The following TEX14 variants were observed in gnomAD, a reference collection of about 807,000 sequenced individuals.
TEX14 encodes testis expressed 14, intercellular bridge forming factor.
Under a neutral mutation model 178.6 loss-of-function variants are expected in TEX14, and 168 were observed. The ratio of observed to expected loss-of-function variants is 0.94; its 90% confidence interval spans 0.83 to 1.07. TEX14 has a LOEUF of 1.07. Among genes scored for constraint, TEX14 ranks in the 50% least tolerant of loss-of-function variants. The pLI, the probability that TEX14 is intolerant of heterozygous loss-of-function variation, is 0.00. For synonymous variants in TEX14, 626 were observed against 634.1 expected, an observed-to-expected ratio of 0.99 and a Z score of 0.19; for missense variants, 1,730 against 1,753.6, an observed-to-expected ratio of 0.99 and a Z score of 0.24.
chr17:58,617,573 A>C lies in TEX14; in HGVS notation c.601T>G (p.Ser201Ala). 6.2e-7 allele frequency: 1 copy of C among 1,613,954 alleles called. No homozygotes were observed. Among genetic ancestry groups the C allele is most frequent in the South Asian group, 1.1e-5 (1 of 91,016 alleles). ...CCAAAGCTGTAGATATTTTGAGCAG[A>C]AATGACTCCAGCTTTAAGCAGTCGG... Reference protein sequence around the residue: ...PNRLLKAGVISAQNIYSFGFG... With the variant: ...PNRLLKAGVIAAQNIYSFGFG... The change falls in exon 6 of 32, where the codon TCT becomes GCT. Residue 201 changes from serine to alanine, a missense_variant. By Grantham distance (99) the Ser-to-Ala change is moderately conservative. Transcript: ENST00000349033.
intron 1 of TEX14, among the ~76,000 whole-genome samples, chr17:58,685,996 C>CAA (rs34156664): frequency 0.043 from 3,573 of 82,508 alleles, 203 homozygotes; most frequent in African/African-American, 0.091. Context: ...CTCTGTCTCA[C>CAA]AAAAAAAAAA....
intron 18 of TEX14, among the ~76,000 whole-genome samples, 154 bp downstream of exon 18, chr17:58,585,647 G>A (rs949776730): frequency 2.3e-5 from 3 of 127,680 alleles, no homozygotes; most frequent in Non-Finnish European, 4.8e-5. Flanking sequence ...GTAGAGACCA[G>A]GTTTCATCAT....
chr17:58,659,432 G>T, intron 1 of TEX14: 1 of 463,602 alleles, frequency 2.2e-6, no homozygotes, highest in Non-Finnish European at 2.8e-6. Context: ...ACACATCTCA[G>T]ACTACACCTT....
At position 58,593,652 on chromosome 17, in the gene TEX14, G is replaced by C. The variant is rs1234516455; in HGVS notation, c.2479C>G (p.Leu827Val). 1.2e-6 allele frequency: 2 copies of C among 1,613,958 alleles called. No homozygotes were observed. Among genetic ancestry groups the C allele is most frequent in the African/African-American group, 1.3e-5 (1 of 74,930 alleles). The change falls in exon 15 of 32, where the codon CTT becomes GTT. Residue 827 changes from leucine (L) to valine (V), a missense_variant. Leu to Val is a conservative substitution (Grantham distance 32). Coordinates refer to ENST00000349033, the MANE Select transcript of TEX14 (RefSeq NM_031272.5). Reference protein sequence around the residue: ...LPRFPRMLPTLCDPGKQNTDE... With the variant: ...LPRFPRMLPTVCDPGKQNTDE... The stretch of plus-strand genomic sequence containing the variant: ...GTGTTCTGTTTTCCAGGGTCACAAA[G>C]AGTCGGCAGCTTAAAAAGCAATAAA...
At position 58,676,520 on chromosome 17, in the gene TEX14, A is replaced by G. The variant is rs1471949645; in HGVS notation, c.-2+15419T>C. On this transcript the variant is annotated intron_variant, in intron 1 of 31. Transcript: ENST00000349033. ...GGTTGCAGTGAGCCAAGATCATGCC[A>G]TTGCACTCCAGACTGAGCAATAAGA... 3.3e-5 allele frequency among the ~76,000 whole-genome samples: 5 copies of G among 152,268 alleles called. No individual in the cohort carries two copies. In the East Asian group the frequency reaches 7.7e-4, roughly 24 times the overall value.
At chr17:58,602,053 T>C in intron 12 of TEX14, 97 bp from the exon 13 acceptor site, 2 of 1,325,756 alleles carry the variant, frequency 1.5e-6, no homozygotes, top group South Asian at 2.6e-5. Flanking sequence ...AACTCCCTCT[T>C]ATTCCTGTTG....
chr17:58,587,476 G>C (rs1269314092), intron 17 of TEX14, 105 bp downstream of exon 17: 1 of 662,832 alleles, frequency 1.5e-6, no homozygotes, highest in Non-Finnish European at 2.5e-6. Flanking sequence ...ACATTGCTAT[G>C]GTTCTAAATG....
At chr17:58,633,022 C>T (rs914409298) in intron 2 of TEX14, among the ~76,000 whole-genome samples, 1 of 152,166 alleles carries the variant, frequency 6.6e-6, no homozygotes, top group Non-Finnish European at 1.5e-5. Context: ...TTAAAAGGCC[C>T]TGTATGGTCT....
At chr17:58,638,008 C>T (rs1297325629) in intron 2 of TEX14, among the ~76,000 whole-genome samples, 1 of 151,640 alleles carries the variant, frequency 6.6e-6, no homozygotes, top group Admixed American at 6.6e-5. Context: ...ATTACAGGTG[C>T]CTACCACCAC....
chr17:58,666,025 G>A (rs1372764975), intron 1 of TEX14, among the ~76,000 whole-genome samples: 2 of 151,234 alleles, frequency 1.3e-5, no homozygotes, highest in East Asian at 1.9e-4. Context: ...CTCCAGCCTG[G>A]GAGACGGCGA....
chr17:58,592,329 G>C (rs1170736594), intron 15 of TEX14, among the ~76,000 whole-genome samples: 2 of 150,602 alleles, frequency 1.3e-5, no homozygotes, highest in East Asian at 1.9e-4. Flanking sequence ...TCCTGGGTTC[G>C]AGTGATTCTT....
intron 2 of TEX14, among the ~76,000 whole-genome samples, chr17:58,645,172 G>A (rs1433850571): frequency 2.7e-5 from 4 of 150,724 alleles, no homozygotes; most frequent in Admixed American, 1.3e-4. Context: ...ATTTTTAGTA[G>A]AGACGAGATT....
intron 2 of TEX14, among the ~76,000 whole-genome samples, chr17:58,647,459 G>A (rs1216215299): frequency 5.3e-5 from 8 of 151,486 alleles, no homozygotes; most frequent in Admixed American, 3.9e-4. Flanking sequence ...GTGAACCCGG[G>A]AGGCGGAGCT....
At chr17:58,655,078 AGGCTGAAGTGCAGTGGTGAGAAT>A (rs1423107538) in intron 1 of TEX14, among the ~76,000 whole-genome samples, 4 of 136,228 alleles carry the variant, frequency 2.9e-5, no homozygotes, top group Non-Finnish European at 6.1e-5. Context: ...TCTGTTGCCC[AGGCTGAAGTGCAGTGGTGAGAAT>A]GGCTGAAGTG....
chr17:58,635,468 A>T (rs2046414195), intron 2 of TEX14, among the ~76,000 whole-genome samples: 1 of 138,020 alleles, frequency 7.2e-6, no homozygotes, highest in African/African-American at 2.8e-5. Flanking sequence ...CTCACTCCGT[A>T]GCCCATGCTG....
intron 2 of TEX14, among the ~76,000 whole-genome samples, chr17:58,636,967 C>T (rs190110548): frequency 5.9e-5 from 9 of 151,786 alleles, no homozygotes. Context: ...TGGCTCACGC[C>T]TGTAATCCCA....
intron 1 of TEX14, among the ~76,000 whole-genome samples, chr17:58,688,390 G>A (rs2047637123): frequency 6.6e-6 from 1 of 152,252 alleles, no homozygotes; most frequent in Non-Finnish European, 1.5e-5. Context: ...AAAGTGATGG[G>A]ATTACAGGTG....
chr17:58,603,481 G>A (rs1267984412), intron 11 of TEX14, among the ~76,000 whole-genome samples: 1 of 151,322 alleles, frequency 6.6e-6, no homozygotes, highest in African/African-American at 2.4e-5. Flanking sequence ...CTTGAACCCA[G>A]GAGGTGGAGG....
In TEX14 at chr17:58,600,261, C is replaced by T. The variant is rs1377998037; in HGVS notation, c.1679-595G>A. ...GCCTAGGGCCAGGCGTGGTGGTTCA[C>T]GCCTGTAATCCCAACACTTTGGGAG... On this transcript the variant is annotated intron_variant, in intron 13 of 31. Transcript: ENST00000349033. 6.6e-5 allele frequency among the ~76,000 whole-genome samples: 10 copies of T among 152,222 alleles called. No homozygotes were observed. In the East Asian group the frequency reaches 1.7e-3, roughly 26 times the overall value.
Sources: allele counts gnomAD v4.1 joint callset (sites outside exome capture counted in the v4.1 genomes callset), GRCh38; gene constraint gnomAD v4.1.1; transcripts MANE v1.5; gene names NCBI Gene and HGNC (gene_info 2026-07-23, HGNC 2026-07-21).